Variants in MPPED2 observed in about 807,000 individuals in gnomAD.
The protein encoded by MPPED2 is metallophosphoesterase MPPED2.
MPPED2 carries 5 observed loss-of-function variants against 33.0 expected under a neutral mutation model. That is an observed-to-expected ratio of 0.15 (90% CI 0.08 to 0.32). The LOEUF (loss-of-function observed/expected upper bound fraction) is 0.32. Ranked by LOEUF, MPPED2 falls within the 10% of genes least tolerant of loss-of-function variation. MPPED2 has a pLI of 1.00. For synonymous variants in MPPED2, 136 were observed against 141.9 expected (o/e 0.96, Z 0.29); for missense variants, 275 against 372.1 (o/e 0.74, Z 2.15).
At chr11:30,522,485 C>T (rs557233636) in intron 3 of MPPED2, among the ~76,000 whole-genome samples, 246 of 151,828 alleles carry the variant, frequency 1.6e-3, no homozygotes, top group African/African-American at 5.6e-3. Context: ...ATCTGTGTGA[C>T]GGGTATATGA....
chr11:30,449,025 T>C (rs1210012746), intron 4 of MPPED2, among the ~76,000 whole-genome samples: 8 of 152,228 alleles, frequency 5.3e-5, no homozygotes. Flanking sequence ...AACTCTGGAT[T>C]ATTTTGTTTT....
chr11:30,515,756 T>G (rs1315190473), intron 3 of MPPED2, among the ~76,000 whole-genome samples: 1 of 152,216 alleles, frequency 6.6e-6, no homozygotes, highest in African/African-American at 2.4e-5. Context: ...ACTAATGCAC[T>G]ACCCCCAATT....
At chr11:30,503,911 C>T (rs1018798546) in intron 3 of MPPED2, among the ~76,000 whole-genome samples, 5 of 152,080 alleles carry the variant, frequency 3.3e-5, no homozygotes, top group Admixed American at 3.3e-4. Flanking sequence ...CAGGGCACAG[C>T]CTTCAGGCTC....
intron 3 of MPPED2, among the ~76,000 whole-genome samples, chr11:30,533,105 CATA>C (rs1319138751): frequency 6.6e-6 from 1 of 152,184 alleles, no homozygotes; most frequent in Non-Finnish European, 1.5e-5. Flanking sequence ...CAAGCCCTGT[CATA>C]ATATCACAGA....
intron 3 of MPPED2, chr11:30,501,596 A>G (rs1402193955): frequency 1.0e-6 from 1 of 975,010 alleles, no homozygotes; most frequent in Non-Finnish European, 1.2e-6. Flanking sequence ...TCATTCATGA[A>G]TGATTAGTAT....
chr11:30,391,319 C>T (rs922195797), intron 6 of MPPED2, among the ~76,000 whole-genome samples: 1 of 152,150 alleles, frequency 6.6e-6, no homozygotes, highest in Admixed American at 6.5e-5. Context: ...CTTTGTCTTG[C>T]ACTGCTCATA....
rs115728139 is a variant in MPPED2, at chr11:30,544,539, C to T, written c.129-8364G>A. ...CAATTTACTATTCAACAAATGCTTA[C>T]GAACATGCCTGGTAGCTGCTCTGTC... On this transcript the variant is annotated intron_variant, in intron 2 of 6. Coordinates refer to ENST00000358117, the MANE Select transcript of MPPED2 (RefSeq NM_001584.3). Among the ~76,000 whole-genome samples, 344 of 152,300 alleles carry T rather than the reference C, an allele frequency of 2.3e-3. 2 individuals are homozygous for T. The highest frequency in any genetic ancestry group is 7.6e-3 in the African/African-American group (316 of 41,556).
chr11:30,388,734 C>T (rs1376198759), exon 7 of MPPED2: 4 of 1,017,784 alleles, frequency 3.9e-6, no homozygotes, highest in Non-Finnish European at 5.3e-6. Context: ...TCCCTGTCGC[C>T]TCCTCCTCAT....
intron 2 of MPPED2, among the ~76,000 whole-genome samples, chr11:30,571,913 T>C (rs575048773): frequency 6.6e-6 from 1 of 152,296 alleles, no homozygotes; most frequent in South Asian, 2.1e-4. Flanking sequence ...GTCTTGCCAC[T>C]TGAATAATTT....
chr11:30,580,525 A>T, intron 1 of MPPED2, 31 bp from the exon 2 acceptor site: 1 of 1,407,732 alleles, frequency 7.1e-7, no homozygotes, highest in South Asian at 1.7e-5. Context: ...ATATAAAATG[A>T]GAACAAAGAG....
chr11:30,415,171 T>C (rs1948288854), intron 5 of MPPED2, among the ~76,000 whole-genome samples: 1 of 152,190 alleles, frequency 6.6e-6, no homozygotes, highest in Non-Finnish European at 1.5e-5. Flanking sequence ...TAGAAATAAC[T>C]GGGCAGTAAG....
At chr11:30,408,845 T>C (rs760859625), downstream of MPPED2, among the ~76,000 whole-genome samples, 4 of 152,250 alleles carry the variant, frequency 2.6e-5, no homozygotes, top group Non-Finnish European at 5.9e-5. Flanking sequence ...TGCCTGGTGA[T>C]GGACGGATAG....
At chr11:30,543,661 C>G (rs565432150) in intron 2 of MPPED2, among the ~76,000 whole-genome samples, 92 of 152,134 alleles carry the variant, frequency 6.0e-4, no homozygotes, top group Non-Finnish European at 6.9e-4. Flanking sequence ...TTGCAATTTA[C>G]GACTGTAGAC....
chr11:30,447,521 T>C (rs766389539), intron 4 of MPPED2, among the ~76,000 whole-genome samples: 7 of 152,116 alleles, frequency 4.6e-5, no homozygotes, highest in Non-Finnish European at 7.4e-5. Context: ...AGACCAGTTG[T>C]AATAGGAGCC....
chr11:30,418,900 T>A (rs747741116), intron 4 of MPPED2, among the ~76,000 whole-genome samples: 2 of 152,176 alleles, frequency 1.3e-5, no homozygotes, highest in African/African-American at 4.8e-5. Context: ...AGAATGGTCA[T>A]TGAAAGCCAT....
At chr11:30,477,924 C>T (rs1353771247) in intron 4 of MPPED2, among the ~76,000 whole-genome samples, 2 of 152,028 alleles carry the variant, frequency 1.3e-5, no homozygotes, top group East Asian at 3.9e-4. Flanking sequence ...TTTGGTGTTT[C>T]TCTTATTTAG....
intron 4 of MPPED2, among the ~76,000 whole-genome samples, chr11:30,447,429 A>G (rs1949860094): frequency 6.6e-6 from 1 of 152,216 alleles, no homozygotes; most frequent in South Asian, 2.1e-4. Context: ...TGTTAATAGG[A>G]CTTTTATTTC....
At chr11:30,532,170 T>C (rs1275498070) in intron 3 of MPPED2, among the ~76,000 whole-genome samples, 3 of 152,214 alleles carry the variant, frequency 2.0e-5, no homozygotes, top group Non-Finnish European at 4.4e-5. Context: ...CAATACATGT[T>C]AATACATGTT....
intron 4 of MPPED2, among the ~76,000 whole-genome samples, chr11:30,453,111 TA>T (rs1211587679): frequency 7.2e-5 from 11 of 152,216 alleles, no homozygotes; most frequent in African/African-American, 1.9e-4. Flanking sequence ...TAAATAAATA[TA>T]AAAGACTAAT....
Sources: gnomAD v4.1 joint callset for allele counts (sites outside exome capture counted in the v4.1 genomes callset) on GRCh38, gnomAD v4.1.1 for gene constraint, MANE v1.5 for transcripts, NCBI Gene and HGNC (gene_info 2026-07-23, HGNC 2026-07-21) for gene names.